PRMT8: variants seen among roughly 807,000 people sequenced by gnomAD.
The protein encoded by PRMT8 is protein arginine N-methyltransferase 8.
In PRMT8, 7 loss-of-function variants were observed where a neutral mutation model predicts 47.1. That is an observed-to-expected ratio of 0.15 (90% CI 0.08 to 0.28). The LOEUF is 0.28. Ranked by LOEUF, PRMT8 falls within the 10% of genes least tolerant of loss-of-function variation. The pLI is 1.00. For missense variants in PRMT8, 237 were observed against 505.4 expected (o/e 0.47, Z 5.09); for synonymous variants, 188 against 186.5 (o/e 1.01, Z -0.07).
At chr12:3,414,238 A>G (rs1355756244) in intron 1 of PRMT8, among the ~76,000 whole-genome samples, 1 of 152,224 alleles carries the variant, frequency 6.6e-6, no homozygotes, top group African/African-American at 2.4e-5. Context: ...AAAGGTGATA[A>G]TATGGGAATA....
intron 1 of PRMT8, among the ~76,000 whole-genome samples, chr12:3,460,636 T>C (rs1865031028): frequency 6.6e-6 from 1 of 152,188 alleles, no homozygotes; most frequent in Non-Finnish European, 1.5e-5. Context: ...TTAGGCTTAG[T>C]GTATTACCCA....
At chr12:3,483,617 G>A (rs1264562842) in intron 1 of PRMT8, among the ~76,000 whole-genome samples, 2 of 152,176 alleles carry the variant, frequency 1.3e-5, no homozygotes, top group Non-Finnish European at 2.9e-5. Flanking sequence ...GGCTTCTCCA[G>A]CAACCTGGCC....
chr12:3,554,291 C>G (rs1390530130), intron 4 of PRMT8, among the ~76,000 whole-genome samples: 1 of 152,194 alleles, frequency 6.6e-6, no homozygotes, highest in Non-Finnish European at 1.5e-5. Flanking sequence ...TTTCCCAGTC[C>G]CTCCTCTCTG....
intron 2 of PRMT8, among the ~76,000 whole-genome samples, chr12:3,543,573 G>A (rs1354314925): frequency 6.6e-6 from 1 of 152,190 alleles, no homozygotes; most frequent in East Asian, 1.9e-4. Context: ...GAGTGTTGAG[G>A]AAACGTGGTG....
chr12:3,397,987 A>G (rs549932062), intron 1 of PRMT8, among the ~76,000 whole-genome samples: 22 of 152,202 alleles, frequency 1.4e-4, no homozygotes, highest in African/African-American at 2.2e-4. Flanking sequence ...GGTGCCGTCC[A>G]TCACCCCTTT....
At chr12:3,420,649 C>T (rs1261786203) in intron 1 of PRMT8, among the ~76,000 whole-genome samples, 4 of 152,282 alleles carry the variant, frequency 2.6e-5, no homozygotes, top group South Asian at 4.1e-4. Context: ...GTGACAATGA[C>T]GGTGGAGGCG....
At chr12:3,513,224 C>G (rs1182601092) in intron 1 of PRMT8, among the ~76,000 whole-genome samples, 1 of 152,130 alleles carries the variant, frequency 6.6e-6, no homozygotes, top group Non-Finnish European at 1.5e-5. Context: ...ATTGTTCAAT[C>G]CCCCATCATC....
At chr12:3,428,749 C>A (rs1393471995) in intron 1 of PRMT8, among the ~76,000 whole-genome samples, 3 of 150,858 alleles carry the variant, frequency 2.0e-5, no homozygotes, top group Admixed American at 6.6e-5. Context: ...TCTGTCTCTT[C>A]CTCTCTCTCT....
chr12:3,532,418 T>C (rs1429036876), intron 1 of PRMT8, among the ~76,000 whole-genome samples: 1 of 150,386 alleles, frequency 6.6e-6, no homozygotes, highest in Non-Finnish European at 1.5e-5. Flanking sequence ...GAGACCAGCC[T>C]GGCCAACATG....
At position 3,552,911 on chromosome 12, in the gene PRMT8, C is replaced by T. The variant is rs908104949; in HGVS notation, c.418-740C>T. 32 of 375,722 alleles carry T rather than the reference C, an allele frequency of 8.5e-5. No individual in the cohort carries two copies. The highest frequency in any genetic ancestry group is 6.1e-4 in the African/African-American group (29 of 47,462). 23.3% of individuals were successfully genotyped at this position (375,722 alleles called of 1,614,324 possible). ...CTCCGGAGGTGAGGACGGCTCTTGGCAGCTGCCCCTCCATGTCCAGAACCC... is the reference window on the plus strand; with the variant it reads ...CTCCGGAGGTGAGGACGGCTCTTGGTAGCTGCCCCTCCATGTCCAGAACCC... On this transcript the variant is annotated intron_variant, in intron 3 of 9. Transcript: ENST00000382622. The surrounding 1 kb of genome is among the most constrained non-coding windows in gnomAD (Gnocchi z 4.5).
intron 1 of PRMT8, among the ~76,000 whole-genome samples, chr12:3,386,340 T>C (rs1265223433): frequency 6.6e-6 from 1 of 152,238 alleles, no homozygotes; most frequent in African/African-American, 2.4e-5. Flanking sequence ...ATTCCTGTGA[T>C]TTCTTCCTCA....
At chr12:3,546,582 A>C (rs771156315) in intron 2 of PRMT8, among the ~76,000 whole-genome samples, 6 of 152,260 alleles carry the variant, frequency 3.9e-5, no homozygotes, top group Non-Finnish European at 8.8e-5. Context: ...TTTTACATAA[A>C]ATGGATACAT....
At chr12:3,391,063 T>G (rs1432551536) in intron 1 of PRMT8, among the ~76,000 whole-genome samples, 2 of 152,202 alleles carry the variant, frequency 1.3e-5, no homozygotes, top group Non-Finnish European at 2.9e-5. Context: ...CTGAGGGGAT[T>G]CACCAGAGTT....
chr12:3,401,147 C>CAAA (rs34492092), intron 1 of PRMT8, among the ~76,000 whole-genome samples: 63 of 45,606 alleles, frequency 1.4e-3, no homozygotes, highest in South Asian at 2.0e-3. Flanking sequence ...AACTCCATCT[C>CAAA]AAAAAAAAAA....
intron 1 of PRMT8, among the ~76,000 whole-genome samples, chr12:3,495,225 T>G (rs1865488157): frequency 6.6e-6 from 1 of 152,218 alleles, no homozygotes; most frequent in Non-Finnish European, 1.5e-5. Flanking sequence ...CCTACTGTAC[T>G]GGATCAGCTT....
chr12:3,573,062 C>T (rs1351832041), intron 6 of PRMT8, among the ~76,000 whole-genome samples: 1 of 152,124 alleles, frequency 6.6e-6, no homozygotes, highest in Non-Finnish European at 1.5e-5. Context: ...GCCAGTATCT[C>T]TACAAATATT....
intron 2 of PRMT8, among the ~76,000 whole-genome samples, chr12:3,547,359 A>G (rs1866342778): frequency 1.4e-5 from 2 of 147,202 alleles, no homozygotes; most frequent in African/African-American, 4.9e-5. Flanking sequence ...AAAGAAATCT[A>G]AAAAAAAAAC....
At chr12:3,429,687 G>A (rs537357058) in intron 1 of PRMT8, among the ~76,000 whole-genome samples, 2 of 152,214 alleles carry the variant, frequency 1.3e-5, no homozygotes, top group Non-Finnish European at 2.9e-5. Context: ...GAGTGCACAA[G>A]TTCCAAAGAC....
chr12:3,510,106 C>G (rs542371297), intron 1 of PRMT8, among the ~76,000 whole-genome samples: 1 of 152,264 alleles, frequency 6.6e-6, no homozygotes, highest in Admixed American at 6.5e-5. Flanking sequence ...ACTGGCTGCT[C>G]TGAGCAGAAG....
Sources: gnomAD v4.1 joint callset for allele counts (sites outside exome capture counted in the v4.1 genomes callset) on GRCh38, gnomAD v4.1.1 for gene constraint, Gnocchi (gnomAD v3.1) non-coding constraint, MANE v1.5 for transcripts, NCBI Gene and HGNC (gene_info 2026-07-23, HGNC 2026-07-21) for gene names.